VWA8: variants seen among roughly 807,000 people sequenced by gnomAD.
VWA8 encodes the protein von Willebrand factor A domain-containing protein 8.
In VWA8, 221 loss-of-function variants were observed where a neutral mutation model predicts 241.5. The ratio of observed to expected loss-of-function variants is 0.91; its 90% CI spans 0.82 to 1.02. The LOEUF (loss-of-function observed/expected upper bound fraction) is 1.02. Among genes scored for constraint, VWA8 ranks in the 50% least tolerant of loss-of-function variants. VWA8 has a pLI of 0.00. For synonymous variants in VWA8, 852 were observed against 827.1 expected (o/e 1.03, Z -0.52); for missense variants, 2,322 against 2,328.7 (o/e 1.00, Z 0.06).
intron 16 of VWA8, among the ~76,000 whole-genome samples, chr13:41,813,427 T>C (rs748924293): frequency 5.9e-5 from 9 of 152,164 alleles, no homozygotes; most frequent in South Asian, 4.1e-4. Context: ...GTGACTGATA[T>C]CAAAAGTCAA....
intron 18 of VWA8, among the ~76,000 whole-genome samples, chr13:41,784,697 C>CATATACATATATAT (rs1355266984): frequency 1.4e-4 from 8 of 57,032 alleles, no homozygotes; most frequent in South Asian, 1.4e-3. Context: ...TATACATATA[C>CATATACATATATAT]ATATATATAT....
intron 35 of VWA8, among the ~76,000 whole-genome samples, chr13:41,680,504 C>T (rs1307390069): frequency 1.3e-5 from 2 of 152,054 alleles, no homozygotes; most frequent in African/African-American, 2.4e-5. Flanking sequence ...ATTTTAGTAA[C>T]ACTACTTAAA....
At chr13:41,572,021 G>C (rs190550911) in intron 43 of VWA8, among the ~76,000 whole-genome samples, 194 of 152,112 alleles carry the variant, frequency 1.3e-3, no homozygotes, top group Non-Finnish European at 2.5e-3. Context: ...GAATTGAGGA[G>C]TGTCTCTGCC....
intron 36 of VWA8, among the ~76,000 whole-genome samples, chr13:41,673,452 G>A (rs1339831080): frequency 1.3e-5 from 2 of 152,056 alleles, no homozygotes; most frequent in Non-Finnish European, 2.9e-5. Context: ...GAGAAACTCA[G>A]GACATACTGA....
chr13:41,615,298 T>C lies in VWA8; in HGVS notation c.4612-214A>G, dbSNP rs1387240843. ...AAGAAGAACTAATTTTTTAAAAAAC[T>C]CTTAAAGAAAAGTAAAGGAGCTGGA... On this transcript the variant is annotated intron_variant, in intron 37 of 44. Coordinates refer to ENST00000379310, the MANE Select transcript of VWA8 (RefSeq NM_015058.2). 2.6e-5 allele frequency among the ~76,000 whole-genome samples: 4 copies of C among 152,110 alleles called. No homozygotes were observed. In the East Asian group the frequency reaches 7.7e-4, roughly 29 times the overall value.
At chr13:41,881,841 T>G (rs1593841676) in intron 9 of VWA8, among the ~76,000 whole-genome samples, 2 of 118,970 alleles carry the variant, frequency 1.7e-5, no homozygotes, top group Non-Finnish European at 1.8e-5. Flanking sequence ...ACGGGGCGGC[T>G]GGCCGGGCGG....
At chr13:41,625,289 C>A in intron 37 of VWA8, among the ~76,000 whole-genome samples, 1 of 152,080 alleles carries the variant, frequency 6.6e-6, no homozygotes, top group Non-Finnish European at 1.5e-5. Flanking sequence ...TCAGAGTGAA[C>A]AGGCAACCTA....
intron 37 of VWA8, among the ~76,000 whole-genome samples, chr13:41,627,522 T>G (rs12875167): frequency 0.02 from 2,996 of 152,198 alleles, 26 homozygotes; most frequent in South Asian, 0.048. Flanking sequence ...AAAAAGCTTT[T>G]TATGGTTTGA....
At chr13:41,785,194 C>T (rs1869129209) in intron 18 of VWA8, among the ~76,000 whole-genome samples, 1 of 152,016 alleles carries the variant, frequency 6.6e-6, no homozygotes, top group African/African-American at 2.4e-5. Context: ...AGATCCCAAG[C>T]TAAAGCTTCA....
intron 20 of VWA8, among the ~76,000 whole-genome samples, chr13:41,767,868 C>T (rs775566439): frequency 9.2e-5 from 14 of 152,140 alleles, no homozygotes; most frequent in South Asian, 2.1e-4. Context: ...AAAGCAGTCA[C>T]GACAAATATT....
rs542211223 is a variant in VWA8, at chr13:41,716,815, A to G, written c.3116+2776T>C. On this transcript the variant is annotated intron_variant, in intron 26 of 44. Transcript: ENST00000379310. ...CTTCTTCCTTAGGAACTGAAATCCA[A>G]TGTGTATCTTCCCCACTAACAGTAG... Among the ~76,000 whole-genome samples the G allele has an allele frequency of 5.3e-5, 8 of 152,172 alleles. No individual in the cohort carries two copies. In the East Asian group the frequency reaches 1.3e-3, roughly 26 times the overall value.
chr13:41,810,408 T>TAC (rs1208410189), intron 17 of VWA8, among the ~76,000 whole-genome samples: 2 of 151,990 alleles, frequency 1.3e-5, no homozygotes, highest in African/African-American at 2.4e-5. Context: ...GATAATGTTG[T>TAC]ACACACACAC....
intron 37 of VWA8, among the ~76,000 whole-genome samples, chr13:41,625,792 T>C (rs1377363296): frequency 4.0e-5 from 6 of 151,314 alleles, no homozygotes; most frequent in Admixed American, 2.0e-4. Flanking sequence ...CGTATGTTTA[T>C]TGCGGCACTA....
At chr13:41,732,241 T>C in intron 21 of VWA8, 86 bp from the exon 22 acceptor site, 1 of 1,307,520 alleles carries the variant, frequency 7.6e-7, no homozygotes, top group Non-Finnish European at 1.1e-6. Context: ...GGTGCATTTT[T>C]TAAAAGATTT....
chr13:41,878,813 T>C (rs1175189477), intron 9 of VWA8, among the ~76,000 whole-genome samples: 2 of 152,214 alleles, frequency 1.3e-5, no homozygotes, highest in African/African-American at 4.8e-5. Context: ...TTCAACTCTT[T>C]AAAGATATTC....
intron 20 of VWA8, among the ~76,000 whole-genome samples, chr13:41,761,854 T>C (rs1054466086): frequency 2.6e-5 from 4 of 151,806 alleles, no homozygotes; most frequent in African/African-American, 9.7e-5. Context: ...AAAAATGGAA[T>C]CCACCCCCAA....
intron 24 of VWA8, among the ~76,000 whole-genome samples, chr13:41,722,167 A>G (rs1377020506): frequency 6.6e-6 from 1 of 152,190 alleles, no homozygotes; most frequent in East Asian, 1.9e-4. Flanking sequence ...AAAAATTTGT[A>G]TCTTGTGCAG....
intron 1 of VWA8, among the ~76,000 whole-genome samples, chr13:41,959,564 T>A (rs1334423658): frequency 1.4e-5 from 2 of 145,890 alleles, no homozygotes; most frequent in Non-Finnish European, 3.0e-5. Flanking sequence ...GGGTGGTGTA[T>A]GTCTTCAATG....
At chr13:41,615,730 A>G (rs372275837) in intron 37 of VWA8, among the ~76,000 whole-genome samples, 15 of 152,350 alleles carry the variant, frequency 9.8e-5, no homozygotes, top group South Asian at 6.2e-4. Flanking sequence ...CAATTCAAAT[A>G]GAATAAGAAG....
Sources: allele counts gnomAD v4.1 joint callset (sites outside exome capture counted in the v4.1 genomes callset), GRCh38; gene constraint gnomAD v4.1.1; transcripts MANE v1.5; gene names NCBI Gene and HGNC (gene_info 2026-07-23, HGNC 2026-07-21).